CADPS: variants seen among roughly 807,000 people sequenced by gnomAD.
The protein encoded by CADPS is calcium-dependent secretion activator 1.
A neutral mutation model predicts 167.3 loss-of-function variants in CADPS; 57 were observed. The ratio of observed to expected loss-of-function variants is 0.34; its 90% CI spans 0.28 to 0.42. The LOEUF (loss-of-function observed/expected upper bound fraction) is 0.42, where lower values mean the gene tolerates loss of function less well. CADPS is among the 20% of genes least tolerant of loss of function. CADPS has a pLI of 1.00. For missense variants in CADPS, 1,414 were observed against 1,738.1 expected (o/e 0.81, Z 3.32); for synonymous variants, 676 against 635.3 (o/e 1.06, Z -0.96).
chr3:62,766,505 C>T (rs1398395925), intron 1 of CADPS, among the ~76,000 whole-genome samples: 1 of 152,162 alleles, frequency 6.6e-6, no homozygotes, highest in African/African-American at 2.4e-5. Flanking sequence ...ACTGCACATG[C>T]CCCTCTGGTG....
chr3:62,714,989 A>C (rs142553705), intron 3 of CADPS, among the ~76,000 whole-genome samples: 1 of 152,232 alleles, frequency 6.6e-6, no homozygotes, highest in African/African-American at 2.4e-5. Flanking sequence ...ATAGCAGATG[A>C]TAAGAAATGT....
At chr3:62,845,328 G>A (rs2077241413) in intron 1 of CADPS, among the ~76,000 whole-genome samples, 1 of 152,146 alleles carries the variant, frequency 6.6e-6, no homozygotes, top group Non-Finnish European at 1.5e-5. Flanking sequence ...GTGTTGAACA[G>A]CCAAAAATGG....
At chr3:62,776,265 G>A (rs2090262712) in intron 1 of CADPS, among the ~76,000 whole-genome samples, 1 of 152,192 alleles carries the variant, frequency 6.6e-6, no homozygotes, top group Non-Finnish European at 1.5e-5. Context: ...ACACAGTACA[G>A]GGGCTTGCAT....
At chr3:62,707,800 C>T (rs1454371762) in intron 3 of CADPS, among the ~76,000 whole-genome samples, 2 of 151,988 alleles carry the variant, frequency 1.3e-5, no homozygotes, top group African/African-American at 4.8e-5. Context: ...ATTAATTTTA[C>T]CTGCTTATTT....
At chr3:62,809,136 C>T (rs1439339569) in intron 1 of CADPS, among the ~76,000 whole-genome samples, 1 of 152,176 alleles carries the variant, frequency 6.6e-6, no homozygotes, top group African/African-American at 2.4e-5. Context: ...CAGTCCTTTG[C>T]TGATCAATTG....
intron 1 of CADPS, among the ~76,000 whole-genome samples, chr3:62,767,152 G>C (rs1025141185): frequency 6.6e-6 from 1 of 152,030 alleles, no homozygotes; most frequent in Admixed American, 6.6e-5. Flanking sequence ...TTAAATTTTT[G>C]TGAAAAGTTA....
intron 28 of CADPS, among the ~76,000 whole-genome samples, chr3:62,427,218 T>C (rs2052931541): frequency 6.6e-6 from 1 of 152,158 alleles, no homozygotes; most frequent in Admixed American, 6.6e-5. Context: ...TAAGTTCAAG[T>C]TGGCAAAATT....
intron 28 of CADPS, among the ~76,000 whole-genome samples, chr3:62,408,297 A>T (rs1001760109): frequency 6.6e-6 from 1 of 152,194 alleles, no homozygotes; most frequent in African/African-American, 2.4e-5. Context: ...AAATTTTGAT[A>T]TTTCAGTCAT....
In CADPS at chr3:62,589,036, A is replaced by G. The variant is rs535151441; in HGVS notation, c.1437+3601T>C. ...GAAGAGAAAAATTAATTTTCACTAT[A>G]TATCAATTTTAACTTGTTTTCACAA... On this transcript the variant is annotated intron_variant, in intron 7 of 29. Coordinates refer to ENST00000383710, the MANE Select transcript of CADPS (RefSeq NM_003716.4). Among the ~76,000 whole-genome samples, 240 of 152,266 alleles carry G rather than the reference A, an allele frequency of 1.6e-3. 1 individual carries two copies. The highest frequency in any genetic ancestry group is 2.5e-3 in the Non-Finnish European group (168 of 68,032).
chr3:62,720,644 G>A (rs1255001527), intron 3 of CADPS, among the ~76,000 whole-genome samples: 1 of 151,484 alleles, frequency 6.6e-6, no homozygotes, highest in Non-Finnish European at 1.5e-5. Flanking sequence ...TGGCCCTAGG[G>A]AAAAACATTT....
At chr3:62,661,096 T>C (rs2073094535) in intron 4 of CADPS, among the ~76,000 whole-genome samples, 2 of 152,178 alleles carry the variant, frequency 1.3e-5, no homozygotes, top group Non-Finnish European at 2.9e-5. Context: ...CTAATATGAC[T>C]GGCATGACTA....
At chr3:62,721,138 A>ATTTTTTTTTTTTTTT (rs1430413610) in intron 3 of CADPS, among the ~76,000 whole-genome samples, 13 of 79,074 alleles carry the variant, frequency 1.6e-4, no homozygotes, top group African/African-American at 5.9e-4. Flanking sequence ...TTTTTTTAAA[A>ATTTTTTTTTTTTTTT]AAAAAAAGAA....
chr3:62,666,567 G>C (rs1378912313), intron 3 of CADPS, among the ~76,000 whole-genome samples: 1 of 152,102 alleles, frequency 6.6e-6, no homozygotes, highest in African/African-American at 2.4e-5. Flanking sequence ...GCGCATAAAG[G>C]CTCTTTACCT....
At chr3:62,440,224 C>T (rs2056028398) in intron 27 of CADPS, 1 of 152,074 alleles carries the variant, frequency 6.6e-6, no homozygotes, top group Admixed American at 6.6e-5. Flanking sequence ...ATCCTTTCTC[C>T]ATCTCCTCCT....
At chr3:62,830,057 C>A (rs1325385087) in intron 1 of CADPS, among the ~76,000 whole-genome samples, 1 of 152,150 alleles carries the variant, frequency 6.6e-6, no homozygotes, top group East Asian at 1.9e-4. Context: ...TTGGTTTCCA[C>A]CCCCACTGCC....
intron 17 of CADPS, among the ~76,000 whole-genome samples, chr3:62,510,191 C>CATCTATCTATCTACCTATCT (rs1553853781): frequency 2.0e-5 from 3 of 148,266 alleles, no homozygotes; most frequent in East Asian, 2.0e-4. Flanking sequence ...CCTATTTCTG[C>CATCTATCTATCTACCTATCT]ATCTATCTAT....
At position 62,493,640 on chromosome 3, in the gene CADPS, C is replaced by G; in HGVS notation, c.2727+5G>C. 6.4e-7 allele frequency: 1 copy of G among 1,554,768 alleles called. No homozygotes were observed. Among genetic ancestry groups the G allele is most frequent in the South Asian group, 1.2e-5 (1 of 84,366 alleles). ...TCTTCTTTCACGAGATTTCACTTTA[C>G]TTACTTCTCCTTTATCAACATGTGG... On this transcript the variant is annotated splice_donor_5th_base_variant and intron_variant, in intron 19 of 29. Coordinates refer to ENST00000383710, the MANE Select transcript of CADPS (RefSeq NM_003716.4).
At position 62,745,059 on chromosome 3, in the gene CADPS, C is replaced by T. The variant is rs1351719867; in HGVS notation, c.888+8382G>A. ...ATCTTTAATGCCTCTAAATTTGTCCCTAGTAACTGAGTATATGCATCTTTT... is the reference window on the plus strand; with the variant it reads ...ATCTTTAATGCCTCTAAATTTGTCCTTAGTAACTGAGTATATGCATCTTTT... On this transcript the variant is annotated intron_variant, in intron 3 of 29. Transcript: ENST00000383710. 4.5e-4 allele frequency among the ~76,000 whole-genome samples: 68 copies of T among 151,590 alleles called. 1 individual carries two copies. The highest frequency in any genetic ancestry group is 4.5e-3 in the Admixed American group (68 of 15,222).
At chr3:62,730,775 G>A (rs749292232) in intron 3 of CADPS, among the ~76,000 whole-genome samples, 3 of 152,160 alleles carry the variant, frequency 2.0e-5, no homozygotes, top group African/African-American at 4.8e-5. Context: ...CTTTCCTGAC[G>A]TCTTCTGGCA....
Sources: gnomAD v4.1 joint callset for allele counts (sites outside exome capture counted in the v4.1 genomes callset) on GRCh38, gnomAD v4.1.1 for gene constraint, MANE v1.5 for transcripts, NCBI Gene and HGNC (gene_info 2026-07-23, HGNC 2026-07-21) for gene names.